Variants in TTYH1 observed in about 807,000 individuals in gnomAD.
TTYH1 encodes the protein protein tweety homolog 1.
TTYH1 carries 33 observed loss-of-function variants against 61.2 expected under a neutral mutation model. The ratio of observed to expected loss-of-function variants is 0.54; its 90% CI spans 0.41 to 0.72. The LOEUF is 0.72. Among genes scored for constraint, TTYH1 ranks in the 30% least tolerant of loss-of-function variants. The pLI is 0.00. For missense variants in TTYH1, 538 were observed against 575.8 expected (o/e 0.93, Z 0.67); for synonymous variants, 308 against 266.4 (o/e 1.16, Z -1.52).
chr19:54,433,617 C>T (rs1201183848), intron 10 of TTYH1: 1 of 150,552 alleles, frequency 6.6e-6, no homozygotes, highest in Admixed American at 6.6e-5. Flanking sequence ...CCTATAAACC[C>T]AGCACTTTGG....
At position 54,415,581 on chromosome 19, in the gene TTYH1, C is replaced by T. The variant is rs1381284153; in HGVS notation, c.29C>T (p.Ser10Leu). The stretch of plus-strand genomic sequence containing the variant: ...GGGGCGCCCCCGGGCTACCGGCCCT[C>T]AGCTTGGGTGCATCTCCTCCACCAG... Reference protein sequence around the residue: MGAPPGYRPSAWVHLLHQLP... With the variant: MGAPPGYRPLAWVHLLHQLP... Residue 10 changes from serine to leucine, a missense_variant, in exon 1 of 14, where the codon TCA becomes TTA. Physicochemically the swap from Ser to Leu is moderately radical, Grantham distance 145. Transcript: ENST00000376530. The surrounding 1 kb of genome is among the most constrained non-coding windows in gnomAD (Gnocchi z 5.2). 6.6e-7 allele frequency: 1 copy of T among 1,515,832 alleles called. No homozygotes were observed. The highest frequency in any genetic ancestry group is 2.7e-5 in the East Asian group (1 of 37,424). The allele number at this position is 1,515,832 out of a possible 1,614,324, so 93.9% of individuals were successfully genotyped here. A position where few individuals can be genotyped will look rare whatever the true frequency, so the allele number is the denominator to read the frequency against.
rs1391955227 is a variant in TTYH1 at position 54,420,438 on chromosome 19, A to G, written c.306-839A>G. 6.6e-6 allele frequency among the ~76,000 whole-genome samples: 1 copy of G among 152,002 alleles called. No individual in the cohort carries two copies. The highest frequency in any genetic ancestry group is 6.5e-5 in the Admixed American group (1 of 15,272). On this transcript the variant is annotated intron_variant, in intron 2 of 13. Transcript: ENST00000376530. This position sits in a 1 kb window ranked among gnomAD's most constrained non-coding sequence, Gnocchi z 4.8. ...AGAGGAGCTTTGTAGGACTCTGAAC[A>G]ATGGGGCGGGGACACTGGGCGTCCG...
At chr19:54,431,498 C>T (rs568136556) in intron 10 of TTYH1, 15 of 422,390 alleles carry the variant, frequency 3.6e-5, no homozygotes, top group African/African-American at 3.5e-4. Context: ...TCCTTGTCTT[C>T]TCTCCTCTCT....
Position 54,419,411 on chromosome 19 carries a change from A to G in TTYH1, c.305+105A>G. 8.1e-7 allele frequency: 1 copy of G among 1,229,018 alleles called. No individual in the cohort carries two copies. The allele number at this position is 1,229,018 out of a possible 1,614,324, so 76.1% of individuals were successfully genotyped here. On this transcript the variant is annotated intron_variant, in intron 2 of 13. Transcript: ENST00000376530. This position sits in a 1 kb window ranked among gnomAD's most constrained non-coding sequence, Gnocchi z 6.1. ...GGGGACATGGAGGAAGCAGACAGGAAGGAGGAAACTCCCTCGTCCCTGTCC... is the reference window on the plus strand; with the variant it reads ...GGGGACATGGAGGAAGCAGACAGGAGGGAGGAAACTCCCTCGTCCCTGTCC...
rs574541401 is a variant in TTYH1 at position 54,435,950 on chromosome 19, G to A, written c.1314+77G>A. ...GGGTCTGAGGGAGGAGGAGCTGAGG[G>A]CCTGGCCGCCTGGGTCTGAGGGAGG... On this transcript the variant is annotated intron_variant, in intron 12 of 13. Coordinates refer to ENST00000376530, the MANE Select transcript of TTYH1 (RefSeq NM_020659.4). 221 of 1,588,200 alleles carry A rather than the reference G, an allele frequency of 1.4e-4. 1 individual carries two copies. The South Asian group carries it at 2.1e-3, about 15-fold the overall frequency.
Position 54,421,190 on chromosome 19 carries a change from C to A in TTYH1, c.306-87C>A. 3 of 804,622 alleles carry A rather than the reference C, an allele frequency of 3.7e-6. No individual in the cohort carries two copies. Among genetic ancestry groups the A allele is most frequent in the South Asian group, 1.5e-5 (1 of 68,110 alleles). 49.8% of individuals were successfully genotyped at this position (804,622 alleles called of 1,614,324 possible). On this transcript the variant is annotated intron_variant, in intron 2 of 13. Coordinates refer to ENST00000376530, the MANE Select transcript of TTYH1 (RefSeq NM_020659.4). The surrounding 1 kb of genome is among the most constrained non-coding windows in gnomAD (Gnocchi z 4.8). ...GAGATGGGAGGGGTGGATAAGAAGGCGAGGTGGAGGGGATGGGGTGGGAGG... is the reference window on the plus strand; with the variant it reads ...GAGATGGGAGGGGTGGATAAGAAGGAGAGGTGGAGGGGATGGGGTGGGAGG...
At chr19:54,427,477 G>A (rs151189836) in intron 5 of TTYH1, among the ~76,000 whole-genome samples, 2,987 of 150,980 alleles carry the variant, frequency 0.02, 97 homozygotes, top group African/African-American at 0.069. Flanking sequence ...GGTGGCGGGC[G>A]CCTATAGTCC....
At chr19:54,425,567 A>G (rs1304469164) in intron 4 of TTYH1, among the ~76,000 whole-genome samples, 2 of 152,176 alleles carry the variant, frequency 1.3e-5, no homozygotes, top group African/African-American at 4.8e-5. Flanking sequence ...CCGTGTTTAA[A>G]GGTGGATGCG....
At chr19:54,426,405 G>T in intron 4 of TTYH1, 1 of 533,746 alleles carries the variant, frequency 1.9e-6, no homozygotes. Context: ...TGGTCACAGG[G>T]CACATGTGTG....
At position 54,416,657 on chromosome 19, in the gene TTYH1, G is replaced by A. The variant is rs2083083474; in HGVS notation, c.126+979G>A. ...GGGGCGTGGAGGGGGTCCCAGAAAA[G>A]CGCGGAGGGGATGAGTGCTGTGTTC... is the stretch of plus-strand genomic sequence containing the variant. On this transcript the variant is annotated intron_variant, in intron 1 of 13. Transcript: ENST00000376530. This position sits in a 1 kb window ranked among gnomAD's most constrained non-coding sequence, Gnocchi z 7.0. 3.1e-6 allele frequency: 3 copies of A among 982,518 alleles called. No homozygotes were observed. Among genetic ancestry groups the A allele is most frequent in the Non-Finnish European group, 1.4e-6 (1 of 736,052 alleles). 60.9% of individuals were successfully genotyped at this position (982,518 alleles called of 1,614,324 possible). A position where few individuals can be genotyped will look rare whatever the true frequency, so the allele number is the denominator to read the frequency against.
intron 4 of TTYH1, among the ~76,000 whole-genome samples, chr19:54,426,002 C>T (rs2083313628): frequency 6.6e-6 from 1 of 152,242 alleles, no homozygotes; most frequent in Non-Finnish European, 1.5e-5. Context: ...AGGCGTGAGC[C>T]ACCTCGCCCG....
At chr19:54,431,398 C>T (rs575621273) in intron 10 of TTYH1, 399 of 530,310 alleles carry the variant, frequency 7.5e-4, no homozygotes, top group Admixed American at 1.3e-3. Flanking sequence ...ATCCATATTC[C>T]TTCCCTCCTC....
chr19:54,436,704 G>T lies in TTYH1; in HGVS notation c.*414G>T. ...AGGGTTGATTTAAAATAAAAGGGAAGACTATTTTACAAGCAGCTGGGTCCT... is the reference window on the plus strand; with the variant it reads ...AGGGTTGATTTAAAATAAAAGGGAATACTATTTTACAAGCAGCTGGGTCCT... On this transcript the variant is annotated 3_prime_UTR_variant, in exon 14 of 14. Coordinates refer to ENST00000376530, the MANE Select transcript of TTYH1 (RefSeq NM_020659.4). This position sits in a 1 kb window ranked among gnomAD's most constrained non-coding sequence, Gnocchi z 4.3. 2.5e-6 allele frequency: 1 copy of T among 399,512 alleles called. No homozygotes were observed. Among genetic ancestry groups the T allele is most frequent in the South Asian group, 4.0e-5 (1 of 24,968 alleles). 24.7% of individuals were successfully genotyped at this position (399,512 alleles called of 1,614,324 possible).
At position 54,415,901 on chromosome 19, in the gene TTYH1, G is replaced by A; in HGVS notation, c.126+223G>A. On this transcript the variant is annotated intron_variant, in intron 1 of 13. Transcript: ENST00000376530. This position sits in a 1 kb window ranked among gnomAD's most constrained non-coding sequence, Gnocchi z 5.2. ...CCAGACCTCGAGCTCTCTAAATAAG[G>A]GAAGGCTGGGGACCTGCACCCCTGA... 2 of 782,372 alleles carry A rather than the reference G, an allele frequency of 2.6e-6. No homozygotes were observed. Among genetic ancestry groups the A allele is most frequent in the Non-Finnish European group, 3.9e-6 (2 of 510,528 alleles). 48.5% of individuals were successfully genotyped at this position (782,372 alleles called of 1,614,324 possible). A position where few individuals can be genotyped will look rare whatever the true frequency, so the allele number is the denominator to read the frequency against.
At chr19:54,423,749 C>T (rs183278115) in intron 4 of TTYH1, among the ~76,000 whole-genome samples, 125 of 152,070 alleles carry the variant, frequency 8.2e-4, no homozygotes, top group South Asian at 2.1e-4. Flanking sequence ...GGTGGCGGGC[C>T]GGGCAGTGAG....
chr19:54,421,142 G>T lies in TTYH1; in HGVS notation c.306-135G>T. On this transcript the variant is annotated intron_variant, in intron 2 of 13. Transcript: ENST00000376530. This position sits in a 1 kb window ranked among gnomAD's most constrained non-coding sequence, Gnocchi z 4.8. ...AGGCTGAAGTCGCCCTTTTCCCACG[G>T]GCTGGCCCAATGAGGTGGGGCTGAG... is the stretch of plus-strand genomic sequence containing the variant. 1 of 651,606 alleles carries T rather than the reference G, an allele frequency of 1.5e-6. No individual in the cohort carries two copies. The highest frequency in any genetic ancestry group is 2.8e-6 in the Non-Finnish European group (1 of 359,506). 40.4% of individuals were successfully genotyped at this position (651,606 alleles called of 1,614,324 possible).
At position 54,422,201 on chromosome 19, in the gene TTYH1, G is replaced by A. The variant is rs973515647; in HGVS notation, c.429G>A (p.Thr143=). 26 of 1,562,358 alleles carry A rather than the reference G, an allele frequency of 1.7e-5. No individual in the cohort carries two copies. Among genetic ancestry groups the A allele is most frequent in the Non-Finnish European group, 2.2e-5 (25 of 1,153,842 alleles). ...TGTCCTATCCCCAGGTGTTGGAGAC[G>A]GTGGAGAGGCTGGGCGAGGCGGTGA... The part of the protein sequence containing the change: ...LSTIDHLVLE[T]VERLGEAVRT... Residue 143 remains threonine, a synonymous_variant, in exon 4 of 14, where the codon ACG becomes ACA. Transcript: ENST00000376530.
intron 5 of TTYH1, 69 bp downstream of exon 5, chr19:54,426,837 A>C (rs905858553): frequency 2.1e-6 from 3 of 1,395,622 alleles, no homozygotes; most frequent in Non-Finnish European, 3.0e-6. Context: ...CCTCAGTCTT[A>C]CAACTCTCCT....
At chr19:54,424,130 C>T (rs1430860665) in intron 4 of TTYH1, among the ~76,000 whole-genome samples, 1 of 151,574 alleles carries the variant, frequency 6.6e-6, no homozygotes. Flanking sequence ...CACTGCACTC[C>T]AGCCTGGGTG....
Sources: allele counts gnomAD v4.1 joint callset (sites outside exome capture counted in the v4.1 genomes callset), GRCh38; gene constraint gnomAD v4.1.1; non-coding constraint Gnocchi (gnomAD v3.1); transcripts MANE v1.5; gene names NCBI Gene and HGNC (gene_info 2026-07-23, HGNC 2026-07-21).